Variants in PTGIS observed in about 807,000 individuals in gnomAD.
PTGIS encodes the protein prostaglandin I2 synthase, also known as prostacyclin synthase.
Under a neutral mutation model 50.3 loss-of-function variants are expected in PTGIS, and 45 were observed. The ratio of observed to expected loss-of-function variants is 0.90; its 90% CI spans 0.70 to 1.15. The LOEUF (loss-of-function observed/expected upper bound fraction) is 1.15, where lower values mean the gene tolerates loss of function less well. Among genes scored for constraint, PTGIS ranks in the 50% most tolerant of loss-of-function variants. The pLI is 0.00. For missense variants in PTGIS, 668 were observed against 661.3 expected, an observed-to-expected ratio of 1.01 and a Z score of -0.11; for synonymous variants, 260 against 267.7, an observed-to-expected ratio of 0.97 and a Z score of 0.28.
intron 5 of PTGIS, among the ~76,000 whole-genome samples, chr20:49,530,202 A>T (rs1399814066): frequency 6.6e-6 from 1 of 152,092 alleles, no homozygotes; most frequent in Non-Finnish European, 1.5e-5. Flanking sequence ...TGTATGTATA[A>T]GACAAAACAG....
intron 1 of PTGIS, among the ~76,000 whole-genome samples, chr20:49,552,866 G>A (rs144163509): frequency 1.6e-3 from 241 of 152,212 alleles, no homozygotes; most frequent in African/African-American, 5.2e-3. Flanking sequence ...GAGAAAAAAA[G>A]GGGTCTTATG....
At chr20:49,528,062 C>T (rs1014115258) in intron 5 of PTGIS, among the ~76,000 whole-genome samples, 4 of 152,076 alleles carry the variant, frequency 2.6e-5, no homozygotes, top group African/African-American at 7.2e-5. Flanking sequence ...ATCACTTGAA[C>T]CCGGGAGGTG....
intron 5 of PTGIS, among the ~76,000 whole-genome samples, chr20:49,530,154 CAA>C (rs58592527): frequency 0.019 from 2,499 of 128,790 alleles, 58 homozygotes; most frequent in African/African-American, 0.052. Flanking sequence ...AACTCTGTCT[CAA>C]AAAAAAAAAA....
chr20:49,555,689 G>A (rs1315833791), intron 1 of PTGIS, among the ~76,000 whole-genome samples: 1 of 152,194 alleles, frequency 6.6e-6, no homozygotes, highest in Non-Finnish European at 1.5e-5. Context: ...TGATTATTAT[G>A]TAAAACTATT....
chr20:49,567,942 A>G, intron 1 of PTGIS, 101 bp downstream of exon 1: 1 of 1,144,290 alleles, frequency 8.7e-7, no homozygotes, highest in South Asian at 2.0e-5. Context: ...CTGGAGCGGG[A>G]CTCGGGCCGG....
chr20:49,526,586 G>T (rs1214802835), intron 5 of PTGIS, among the ~76,000 whole-genome samples: 3 of 152,160 alleles, frequency 2.0e-5, no homozygotes, highest in South Asian at 2.1e-4. Context: ...TCTGATAAGG[G>T]TCTAACACCC....
chr20:49,544,399 T>A lies in PTGIS; in HGVS notation c.427A>T (p.Asn143Tyr). The change falls in exon 4 of 10, where the codon AAC (asparagine) becomes TAC (tyrosine). Residue 143 changes from asparagine to tyrosine, a missense_variant. Physicochemically the swap from Asn to Tyr is moderately radical, Grantham distance 143. Coordinates refer to ENST00000244043, the MANE Select transcript of PTGIS (RefSeq NM_000961.4). The part of the protein sequence containing the change: ...LQALTEAMYT[N>Y]LHAVLLGDAT... ...TCGCCCAACAGCACTGCATGGAGGT[T>A]GGTATACATGGCTTCTGTGAGTGCC... The A allele has an allele frequency of 6.2e-7, 1 of 1,614,042 alleles. No homozygotes were observed.
intron 1 of PTGIS, among the ~76,000 whole-genome samples, chr20:49,562,856 C>T (rs748087599): frequency 6.6e-6 from 1 of 152,182 alleles, no homozygotes; most frequent in Non-Finnish European, 1.5e-5. Context: ...GCCTCCATGC[C>T]CCCTGACGTA....
Position 49,527,650 on chromosome 20 carries a change from T to C in PTGIS, c.674-3411A>G, listed in dbSNP as rs1437179782. The stretch of plus-strand genomic sequence containing the variant: ...GGCACAAAGCTTTTGTTTAGAATCA[T>C]GAAAAGTTTCTGGAAATAGATAACG... On this transcript the variant is annotated intron_variant, in intron 5 of 9. Transcript: ENST00000244043. Among the ~76,000 whole-genome samples, 3 of 152,296 alleles carry C rather than the reference T, an allele frequency of 2.0e-5. No homozygotes were observed. The East Asian group carries it at 5.8e-4, about 29-fold the overall frequency.
Position 49,524,230 on chromosome 20 carries a change from T to A in PTGIS, c.683A>T (p.Asp228Val), listed in dbSNP as rs1276636472. Residue 228 changes from aspartate (D) to valine (V), a missense_variant, in exon 6 of 10, where the codon GAC becomes GTC. Physicochemically the swap from Asp to Val is radical, Grantham distance 152 (BLOSUM62 -3). Transcript: ENST00000244043. ...GCGACTTTTGACACTGCACATGTGG[T>A]CCTTGTCCCCTGCAGGGACAGAGCA... is the stretch of plus-strand genomic sequence containing the variant. ...ARGSLSVGDKDHMCSVKSRLW... is the reference protein window; with the variant it reads ...ARGSLSVGDKVHMCSVKSRLW... 1 of 1,614,006 alleles carries A rather than the reference T, an allele frequency of 6.2e-7. No individual in the cohort carries two copies. The highest frequency in any genetic ancestry group is 1.3e-5 in the African/African-American group (1 of 74,930).
chr20:49,554,662 G>A (rs766330184), intron 1 of PTGIS, among the ~76,000 whole-genome samples: 1 of 152,164 alleles, frequency 6.6e-6, no homozygotes, highest in Middle Eastern at 3.2e-3. Flanking sequence ...ATATGAGATT[G>A]TAAGGGCTGA....
At chr20:49,512,940 C>T in intron 8 of PTGIS, 140 bp downstream of exon 8, 1 of 1,012,656 alleles carries the variant, frequency 9.9e-7, no homozygotes, top group African/African-American at 1.6e-5. Context: ...AGGAAGCAAA[C>T]ACAGAGAGGT....
chr20:49,541,687 C>T (rs1982233715), intron 4 of PTGIS, among the ~76,000 whole-genome samples: 1 of 151,958 alleles, frequency 6.6e-6, no homozygotes, highest in South Asian at 2.1e-4. Flanking sequence ...GCAGAGATCG[C>T]GCCATTATTG....
At chr20:49,565,426 T>G (rs1015371772) in intron 1 of PTGIS, among the ~76,000 whole-genome samples, 1 of 152,168 alleles carries the variant, frequency 6.6e-6, no homozygotes, top group African/African-American at 2.4e-5. Context: ...TCCAGCACTT[T>G]GGGAGGCTGC....
At chr20:49,538,295 G>T (rs1601193359) in intron 5 of PTGIS, among the ~76,000 whole-genome samples, 1 of 143,532 alleles carries the variant, frequency 7.0e-6, no homozygotes, top group African/African-American at 2.6e-5. Flanking sequence ...AAGGCATGCT[G>T]GCTCACTCCC....
intron 5 of PTGIS, among the ~76,000 whole-genome samples, chr20:49,525,869 C>T (rs1464641837): frequency 6.6e-6 from 1 of 152,012 alleles, no homozygotes; most frequent in Non-Finnish European, 1.5e-5. Context: ...GGCTGCACCT[C>T]ACAGGGCATT....
At chr20:49,563,768 G>C (rs1247043545) in intron 1 of PTGIS, among the ~76,000 whole-genome samples, 1 of 152,206 alleles carries the variant, frequency 6.6e-6, no homozygotes, top group African/African-American at 2.4e-5. Flanking sequence ...TCCTGCAAGG[G>C]CCCAGACCAG....
In PTGIS at chr20:49,524,188, G is replaced by T; in HGVS notation, c.725C>A (p.Ser242Tyr). ...GGCCCGCCTGGCCAGCCTGGCTGGG[G>T]ATAGCAGCTTCCACAGGCGACTTTT... The part of the protein sequence containing the change: ...SVKSRLWKLL[S>Y]PARLARRAHR... Residue 242 changes from serine (S) to tyrosine (Y), a missense_variant, in exon 6 of 10, where the codon TCC becomes TAC. Coordinates refer to ENST00000244043, the MANE Select transcript of PTGIS (RefSeq NM_000961.4). 6.2e-7 allele frequency: 1 copy of T among 1,614,216 alleles called. No individual in the cohort carries two copies. The highest frequency in any genetic ancestry group is 1.3e-5 in the African/African-American group (1 of 75,056).
Position 49,550,089 on chromosome 20 carries a change from CCTT to C in PTGIS, c.172_174del (p.Lys58del), listed in dbSNP as rs1414557134. On this transcript the variant is annotated inframe_deletion, in exon 2 of 10. Coordinates refer to ENST00000244043, the MANE Select transcript of PTGIS (RefSeq NM_000961.4). ...ACAGTAAAGATGTCACCGTGCTTCT[CCTT>C]CATCCTCGTGAGGAAGCTGGCAGCA... 1.2e-6 allele frequency: 2 copies of C among 1,614,094 alleles called. No individual in the cohort carries two copies. Among genetic ancestry groups the C allele is most frequent in the African/African-American group, 2.7e-5 (2 of 74,932 alleles).
Sources: gnomAD v4.1 joint callset for allele counts (sites outside exome capture counted in the v4.1 genomes callset) on GRCh38, gnomAD v4.1.1 for gene constraint, MANE v1.5 for transcripts, NCBI Gene and HGNC (gene_info 2026-07-23, HGNC 2026-07-21) for gene names.